Variants in HPS4 observed in about 807,000 individuals in gnomAD.
The protein encoded by HPS4 is BLOC-3 complex member HPS4.
A neutral mutation model predicts 70.3 loss-of-function variants in HPS4; 44 were observed. The ratio of observed to expected loss-of-function variants is 0.63; its 90% CI spans 0.49 to 0.80. HPS4 has a LOEUF of 0.80. Ranked by LOEUF, HPS4 falls within the 30% of genes least tolerant of loss-of-function variation. HPS4 has a pLI of 0.00. For synonymous variants in HPS4, 377 were observed against 355.9 expected (o/e 1.06, Z -0.67); for missense variants, 873 against 884.4 (o/e 0.99, Z 0.16).
intron 2 of HPS4, among the ~76,000 whole-genome samples, chr22:26,481,098 T>C (rs1163812456): frequency 6.6e-6 from 1 of 151,962 alleles, no homozygotes; most frequent in Admixed American, 6.6e-5. Context: ...GTCCCCACGT[T>C]CTCTTGATGA....
chr22:26,462,636 T>C (rs1412651963), intron 11 of HPS4, among the ~76,000 whole-genome samples: 1 of 152,212 alleles, frequency 6.6e-6, no homozygotes, highest in Non-Finnish European at 1.5e-5. Flanking sequence ...AGAGGTATTA[T>C]ATCCACTTTA....
intron 2 of HPS4, among the ~76,000 whole-genome samples, chr22:26,481,039 A>G (rs2091232976): frequency 6.6e-6 from 1 of 152,124 alleles, no homozygotes; most frequent in African/African-American, 2.4e-5. Flanking sequence ...AAGCCTCAAA[A>G]AAGTTTCAAA....
At chr22:26,446,800 T>C (rs2084969083), downstream of HPS4, among the ~76,000 whole-genome samples, 1 of 152,202 alleles carries the variant, frequency 6.6e-6, no homozygotes, top group Non-Finnish European at 1.5e-5. Context: ...AGTGGCGCAA[T>C]CTCGGCTCAC....
At chr22:26,447,683 A>G (rs1019562166), downstream of HPS4, among the ~76,000 whole-genome samples, 18 of 152,166 alleles carry the variant, frequency 1.2e-4, no homozygotes, top group Non-Finnish European at 2.9e-5. Flanking sequence ...ATGTAAACAC[A>G]GGGAACAGGA....
Position 26,453,058 on chromosome 22 carries a change from C to T in HPS4, c.*175G>A, listed in dbSNP as rs557703645. 319 of 688,456 alleles carry T rather than the reference C, an allele frequency of 4.6e-4. No individual in the cohort carries two copies. The African/African-American group carries it at 5.0e-3, about 11-fold the overall frequency. 42.6% of individuals were successfully genotyped at this position (688,456 alleles called of 1,614,324 possible). A position where few individuals can be genotyped will look rare whatever the true frequency, so the allele number is the denominator to read the frequency against. On this transcript the variant is annotated 3_prime_UTR_variant, in exon 14 of 14. Coordinates refer to ENST00000398145, the MANE Select transcript of HPS4 (RefSeq NM_022081.6). ...GGTCTGCCGACCTGAAGAACTAACCCCTGCCCCCAAAACACATCCCAATCT... is the reference window on the plus strand; with the variant it reads ...GGTCTGCCGACCTGAAGAACTAACCTCTGCCCCCAAAACACATCCCAATCT...
chr22:26,454,496 T>C (rs1194617646), intron 13 of HPS4, among the ~76,000 whole-genome samples: 3 of 152,236 alleles, frequency 2.0e-5, no homozygotes, highest in East Asian at 3.8e-4. Flanking sequence ...GCTTAACACA[T>C]TGTGAGTGGT....
downstream of HPS4, among the ~76,000 whole-genome samples, chr22:26,447,344 C>T (rs976936004): frequency 7.2e-5 from 11 of 152,054 alleles, no homozygotes; most frequent in African/African-American, 2.2e-4. Context: ...GAGTCCTGAA[C>T]GCAGCTCTGC....
intron 13 of HPS4, among the ~76,000 whole-genome samples, chr22:26,456,858 A>G (rs1322121253): frequency 1.3e-5 from 2 of 152,176 alleles, no homozygotes; most frequent in Non-Finnish European, 2.9e-5. Context: ...CTGGTTTCAT[A>G]AGAGAAGCAT....
At position 26,470,761 on chromosome 22, in the gene HPS4, C is replaced by T. The variant is rs111522254; in HGVS notation, c.554G>A (p.Arg185His). The T allele has an allele frequency of 3.5e-5, 57 of 1,614,152 alleles. No homozygotes were observed. In the South Asian group the frequency reaches 3.8e-4, roughly 11 times the overall value. ...GCAGCCAGCGAGAATGTGAGGCGAGCGCTGGCAGGTCTGCAGAATGCGGGC... is the reference window on the plus strand; with the variant it reads ...GCAGCCAGCGAGAATGTGAGGCGAGTGCTGGCAGGTCTGCAGAATGCGGGC... Reference protein sequence around the residue: ...KAARILQTCQRSPHILAGCIL... With the variant: ...KAARILQTCQHSPHILAGCIL... Residue 185 changes from arginine (R) to histidine (H), a missense_variant, in exon 7 of 14, where the codon CGC (arginine) becomes CAC (histidine). Physicochemically the swap from Arg to His is conservative, Grantham distance 29. Transcript: ENST00000398145.
intron 12 of HPS4, 96 bp downstream of exon 12, chr22:26,458,349 C>G (rs1392793279): frequency 8.8e-6 from 13 of 1,483,168 alleles, no homozygotes; most frequent in Non-Finnish European, 1.2e-5. Flanking sequence ...ACTCTGTGCA[C>G]AGCCGTGTCA....
intron 10 of HPS4, 121 bp downstream of exon 10, chr22:26,465,334 A>C: frequency 1.3e-6 from 1 of 747,738 alleles, no homozygotes; most frequent in Admixed American, 2.0e-5. Flanking sequence ...TTTACAAGAC[A>C]GGGCATGGGG....
Position 26,483,700 on chromosome 22 carries a change from G to A in HPS4, c.-505C>T, listed in dbSNP as rs1193514617. On this transcript the variant is annotated 5_prime_UTR_variant, in exon 1 of 14. Transcript: ENST00000398145. ...GGAGTAGCCAGGCATCCCAGTGCTC[G>A]GGGTTCGGGACTCTGGACCAGAAAT... is the stretch of plus-strand genomic sequence containing the variant. The A allele has an allele frequency of 2.5e-6, 1 of 402,500 alleles. No individual in the cohort carries two copies. Among genetic ancestry groups the A allele is most frequent in the Non-Finnish European group, 4.3e-6 (1 of 232,678 alleles). The allele number at this position is 402,500 out of a possible 1,614,324, so 24.9% of individuals were successfully genotyped here.
At position 26,458,446 on chromosome 22, in the gene HPS4, C is replaced by G. The variant is rs1308819532; in HGVS notation, c.1845G>C (p.Met615Ile). 1 of 1,614,154 alleles carries G rather than the reference C, an allele frequency of 6.2e-7. No homozygotes were observed. The highest frequency in any genetic ancestry group is 2.2e-5 in the East Asian group (1 of 44,878). ...CCAGGCCCCTTGGCTGGTTCTTACC[C>G]ATCAGCAAGCTCTGAATGCGGTCGT... ...THYDRIQSLLMANLPQVATPQ... is the reference protein window; with the variant it reads ...THYDRIQSLLIANLPQVATPQ... The change falls in exon 12 of 14, where the codon ATG (methionine) becomes ATC (isoleucine). Residue 615 changes from methionine (M) to isoleucine (I), a missense_variant and splice_region_variant. Transcript: ENST00000398145.
intron 13 of HPS4, chr22:26,453,790 T>C: frequency 3.2e-6 from 1 of 309,976 alleles, no homozygotes; most frequent in Non-Finnish European, 6.3e-6. Flanking sequence ...GGTGGTATGG[T>C]CCCATTTCAC....
intron 8 of HPS4, 36 bp downstream of exon 8, chr22:26,468,515 G>C (rs778686673): frequency 6.4e-7 from 1 of 1,570,854 alleles, no homozygotes; most frequent in African/African-American, 1.4e-5. Flanking sequence ...TGCTCTGGGG[G>C]ATGCTGTCCA....
intron 7 of HPS4, among the ~76,000 whole-genome samples, chr22:26,470,039 C>A (rs1199566340): frequency 6.6e-6 from 1 of 152,258 alleles, no homozygotes; most frequent in Admixed American, 6.5e-5. Flanking sequence ...CCTGCGAGAG[C>A]CTCAGTGCTT....
chr22:26,478,875 G>T (rs1473300566), intron 3 of HPS4, among the ~76,000 whole-genome samples: 3 of 151,966 alleles, frequency 2.0e-5, no homozygotes, highest in African/African-American at 7.3e-5. Flanking sequence ...GTAGAGACAG[G>T]GTTTCATCAT....
In HPS4 at chr22:26,452,698, C is replaced by T; in HGVS notation, c.*535G>A. 4.1e-6 allele frequency: 1 copy of T among 244,348 alleles called. No homozygotes were observed. Among genetic ancestry groups the T allele is most frequent in the East Asian group, 1.1e-4 (1 of 9,448 alleles). The allele number at this position is 244,348 out of a possible 1,614,324, so 15.1% of individuals were successfully genotyped here. On this transcript the variant is annotated 3_prime_UTR_variant, in exon 14 of 14. Coordinates refer to ENST00000398145, the MANE Select transcript of HPS4 (RefSeq NM_022081.6). ...AGTGGTCTCCGTGTGCTGCCGCTTCCCTGCAGGAACGATCCGGACCTCCCA... is the reference window on the plus strand; with the variant it reads ...AGTGGTCTCCGTGTGCTGCCGCTTCTCTGCAGGAACGATCCGGACCTCCCA...
intron 11 of HPS4, 109 bp downstream of exon 11, chr22:26,463,808 G>C (rs989239005): frequency 8.4e-7 from 1 of 1,183,486 alleles, no homozygotes; most frequent in African/African-American, 1.5e-5. Context: ...TCACACAACT[G>C]AGGGCTGAGC....
Sources: gnomAD v4.1 joint callset for allele counts (sites outside exome capture counted in the v4.1 genomes callset) on GRCh38, gnomAD v4.1.1 for gene constraint, MANE v1.5 for transcripts, NCBI Gene and HGNC (gene_info 2026-07-23, HGNC 2026-07-21) for gene names.